Variants in ARFIP1 observed in about 807,000 individuals in gnomAD.
ARFIP1 encodes the protein ARF interacting protein 1, also known as arfaptin-1.
Under a neutral mutation model 42.5 loss-of-function variants are expected in ARFIP1, and 24 were observed. That is an observed-to-expected ratio of 0.57 (90% confidence interval 0.41 to 0.80). The LOEUF (loss-of-function observed/expected upper bound fraction) is 0.80, where lower values mean the gene tolerates loss of function less well. Among genes scored for constraint, ARFIP1 ranks in the 30% least tolerant of loss-of-function variants. ARFIP1 has a pLI of 0.00. For synonymous variants in ARFIP1, 141 were observed against 153.7 expected (o/e 0.92, Z 0.61); for missense variants, 354 against 434.0 (o/e 0.82, Z 1.64).
intron 2 of ARFIP1, among the ~76,000 whole-genome samples, chr4:152,837,505 A>G (rs1731750158): frequency 6.6e-6 from 1 of 151,918 alleles, no homozygotes; most frequent in Non-Finnish European, 1.5e-5. Context: ...TGTGGTTTTG[A>G]TTTGCATTTT....
chr4:152,809,186 A>G (rs1255368849), intron 1 of ARFIP1, among the ~76,000 whole-genome samples: 2 of 152,206 alleles, frequency 1.3e-5, no homozygotes, highest in East Asian at 3.8e-4. Context: ...CCTCTCTTAT[A>G]TAGGGCATGC....
intron 2 of ARFIP1, among the ~76,000 whole-genome samples, chr4:152,855,416 T>C (rs113367527): frequency 6.6e-4 from 100 of 152,252 alleles, no homozygotes; most frequent in African/African-American, 2.3e-3. Context: ...CTTCTGCACT[T>C]CCACTGGAGA....
At chr4:152,808,286 T>TTTTTTTTTTTTTTG (rs1729160126) in intron 1 of ARFIP1, among the ~76,000 whole-genome samples, 1 of 79,122 alleles carries the variant, frequency 1.3e-5, no homozygotes, top group Non-Finnish European at 2.6e-5. Flanking sequence ...GGCCTCCATT[T>TTTTTTTTTTTTTTG]TTTTTTTTTT....
intron 1 of ARFIP1, among the ~76,000 whole-genome samples, chr4:152,826,669 A>T (rs1047744727): frequency 6.6e-6 from 1 of 152,196 alleles, no homozygotes; most frequent in Non-Finnish European, 1.5e-5. Context: ...TGATCTAGTA[A>T]TACTACTTCT....
intron 8 of ARFIP1, among the ~76,000 whole-genome samples, chr4:152,894,826 A>C (rs531864239): frequency 6.6e-6 from 1 of 152,206 alleles, no homozygotes; most frequent in African/African-American, 2.4e-5. Flanking sequence ...GGGAAGGTAC[A>C]TGGTCACTTA....
rs775966703 is a variant in ARFIP1 at position 152,829,703 on chromosome 4, T to C, written c.70T>C (p.Ser24Pro). 2.5e-6 allele frequency: 4 copies of C among 1,610,156 alleles called. No homozygotes were observed. In the Middle Eastern group the frequency reaches 5.0e-4, roughly 200 times the overall value. Residue 24 changes from serine (S) to proline (P), a missense_variant, in exon 2 of 9, where the codon TCT (serine) becomes CCT (proline). Coordinates refer to ENST00000353617, the MANE Select transcript of ARFIP1 (RefSeq NM_001025595.3). ...PVTSNGEVDD[S>P]REHSFNRDLK... ...GACTAGTAATGGAGAAGTTGATGAC[T>C]CTCGTGAACATAGCTTTAATAGGGT...
chr4:152,824,114 A>G (rs1435195431), intron 1 of ARFIP1, among the ~76,000 whole-genome samples: 2 of 151,994 alleles, frequency 1.3e-5, no homozygotes. Flanking sequence ...GGAGTTCCAG[A>G]CCAGCCTGGC....
chr4:152,855,871 C>T (rs1486499288), intron 2 of ARFIP1, among the ~76,000 whole-genome samples: 1 of 152,218 alleles, frequency 6.6e-6, no homozygotes, highest in African/African-American at 2.4e-5. Context: ...CCCTTTGCCT[C>T]CCAGCTGATC....
intron 1 of ARFIP1, among the ~76,000 whole-genome samples, chr4:152,795,862 ACTGT>A (rs1561101882): frequency 5.4e-5 from 1 of 18,552 alleles, no homozygotes; most frequent in Non-Finnish European, 1.1e-4. Flanking sequence ...TGGTGAATTG[ACTGT>A]CTTTTTTCCT....
intron 8 of ARFIP1, 39 bp downstream of exon 8, chr4:152,888,346 G>A: frequency 7.0e-7 from 1 of 1,423,720 alleles, no homozygotes; most frequent in South Asian, 1.4e-5. Context: ...TGTGGACTTT[G>A]AAGTCACCCT....
intron 1 of ARFIP1, among the ~76,000 whole-genome samples, chr4:152,795,162 T>TTTTGTTTGTTTG (rs142814353): frequency 5.9e-5 from 9 of 151,866 alleles, no homozygotes; most frequent in African/African-American, 2.2e-4. Flanking sequence ...CTTCCGGTGT[T>TTTTGTTTGTTTG]TTTGTTTGTT....
intron 8 of ARFIP1, among the ~76,000 whole-genome samples, chr4:152,897,815 C>CT (rs1246808986): frequency 6.6e-6 from 1 of 152,036 alleles, no homozygotes; most frequent in Non-Finnish European, 1.5e-5. Flanking sequence ...ATTGGTTGTG[C>CT]TGTTGATGAT....
chr4:152,829,464 G>A lies in ARFIP1; in HGVS notation c.-9-161G>A, dbSNP rs191124393. Among the ~76,000 whole-genome samples, 603 of 152,168 alleles carry A rather than the reference G, an allele frequency of 4.0e-3. 1 individual carries two copies. Among genetic ancestry groups the A allele is most frequent in the South Asian group, 0.011 (51 of 4,820 alleles). ...TTAAGTGAAGTTAAAGCAGCCAGAT[G>A]GAATTTTAAAATTATATATGTATTC... On this transcript the variant is annotated intron_variant, in intron 1 of 8. Coordinates refer to ENST00000353617, the MANE Select transcript of ARFIP1 (RefSeq NM_001025595.3).
chr4:152,853,905 CTTTTTTTTTTTTT>C (rs36055484), intron 2 of ARFIP1, among the ~76,000 whole-genome samples: 1 of 74,742 alleles, frequency 1.3e-5, no homozygotes. Flanking sequence ...TTCTGAGATT[CTTTTTTTTTTTTT>C]TTTTTTTTTT....
intron 2 of ARFIP1, among the ~76,000 whole-genome samples, chr4:152,862,609 A>T (rs1164459521): frequency 6.6e-6 from 1 of 152,190 alleles, no homozygotes; most frequent in Non-Finnish European, 1.5e-5. Flanking sequence ...ATCTTAAACT[A>T]CGATCAGTCT....
chr4:152,892,809 A>C (rs1736975973), intron 8 of ARFIP1, among the ~76,000 whole-genome samples: 1 of 152,158 alleles, frequency 6.6e-6, no homozygotes, highest in Non-Finnish European at 1.5e-5. Flanking sequence ...TTTGCCTTTA[A>C]CCTAAACAAT....
chr4:152,841,703 C>G (rs924227615), intron 2 of ARFIP1, among the ~76,000 whole-genome samples: 1 of 152,038 alleles, frequency 6.6e-6, no homozygotes, highest in Admixed American at 6.6e-5. Context: ...CTTGAGGAGG[C>G]GAAAGATAGG....
rs570576751 is a variant in ARFIP1 at position 152,880,598 on chromosome 4, G to A, written c.412-365G>A. On this transcript the variant is annotated intron_variant, in intron 5 of 8. Coordinates refer to ENST00000353617, the MANE Select transcript of ARFIP1 (RefSeq NM_001025595.3). ...GTAAAAGAGCATTTGAAAGCAGTAG[G>A]AGAGTAGTATTTTGGTGTTCTTATT... is the stretch of plus-strand genomic sequence containing the variant. 9.2e-5 allele frequency among the ~76,000 whole-genome samples: 14 copies of A among 152,218 alleles called. No individual in the cohort carries two copies. The East Asian group carries it at 2.1e-3, about 23-fold the overall frequency.
At chr4:152,899,040 C>T (rs1442598928) in intron 8 of ARFIP1, among the ~76,000 whole-genome samples, 1 of 152,152 alleles carries the variant, frequency 6.6e-6, no homozygotes, top group African/African-American at 2.4e-5. Flanking sequence ...TGACTTGGCC[C>T]CATTTCGTCA....
Sources: gnomAD v4.1 joint callset for allele counts (sites outside exome capture counted in the v4.1 genomes callset) on GRCh38, gnomAD v4.1.1 for gene constraint, MANE v1.5 for transcripts, NCBI Gene and HGNC (gene_info 2026-07-23, HGNC 2026-07-21) for gene names.